The following SEL1L2 variants were observed in gnomAD, a reference collection of about 807,000 sequenced individuals.
The protein encoded by SEL1L2 is protein sel-1 homolog 2.
SEL1L2 carries 89 observed loss-of-function variants against 98.8 expected under a neutral mutation model. The ratio of observed to expected loss-of-function variants is 0.90; its 90% CI spans 0.76 to 1.07. The LOEUF is 1.07. Among genes scored for constraint, SEL1L2 ranks in the 50% least tolerant of loss-of-function variants. SEL1L2 has a pLI of 0.00. For synonymous variants in SEL1L2, 262 were observed against 278.5 expected, an observed-to-expected ratio of 0.94 and a Z score of 0.59; for missense variants, 788 against 812.0, an observed-to-expected ratio of 0.97 and a Z score of 0.36.
intron 2 of SEL1L2, among the ~76,000 whole-genome samples, chr20:13,945,642 A>G (rs551601298): frequency 6.6e-6 from 1 of 152,268 alleles, no homozygotes; most frequent in Admixed American, 6.5e-5. Context: ...CACTACCAGG[A>G]AAGAAAACTA....
chr20:13,853,853 T>C (rs1988713970), intron 18 of SEL1L2, among the ~76,000 whole-genome samples: 3 of 152,218 alleles, frequency 2.0e-5, no homozygotes, highest in Admixed American at 2.0e-4. Context: ...TGGCTTCTAT[T>C]TTGGAGCATT....
rs377610213 is a variant in SEL1L2 at position 13,916,049 on chromosome 20, GACTC to G, written c.387-2109_387-2106del. Among the ~76,000 whole-genome samples, 42 of 152,256 alleles carry G rather than the reference GACTC, an allele frequency of 2.8e-4. 1 individual carries two copies. The East Asian group carries it at 3.5e-3, about 13-fold the overall frequency. On this transcript the variant is annotated intron_variant, in intron 4 of 19. Transcript: ENST00000284951. ...ACTCTAGCTGTCAGTGAGGCTTCCT[GACTC>G]ACTCAGACAAATTTGTTCTCTCTGA...
At chr20:13,925,403 G>A (rs1194057176) in intron 3 of SEL1L2, among the ~76,000 whole-genome samples, 1 of 152,214 alleles carries the variant, frequency 6.6e-6, no homozygotes, top group African/African-American at 2.4e-5. Flanking sequence ...ATGAGGGTCA[G>A]GGCTGTGGTT....
intron 5 of SEL1L2, among the ~76,000 whole-genome samples, chr20:13,901,256 G>C (rs774822931): frequency 6.6e-6 from 1 of 151,856 alleles, no homozygotes; most frequent in Non-Finnish European, 1.5e-5. Context: ...ATTTTTAGTA[G>C]AGACGGGGTT....
At chr20:13,901,635 CT>C (rs1018961284) in intron 5 of SEL1L2, among the ~76,000 whole-genome samples, 3 of 148,284 alleles carry the variant, frequency 2.0e-5, no homozygotes, top group Admixed American at 1.3e-4. Context: ...TTTGTGGAAT[CT>C]TTTTTTTAAA....
chr20:13,849,744 C>G (rs1987912055), intron 19 of SEL1L2, 140 bp from the exon 20 acceptor site: 2 of 923,174 alleles, frequency 2.2e-6, no homozygotes, highest in Admixed American at 5.7e-5. Flanking sequence ...AAGACACAAT[C>G]TTCGCTTGCT....
chr20:13,861,049 T>G (rs2147779914), intron 17 of SEL1L2, among the ~76,000 whole-genome samples: 1 of 152,296 alleles, frequency 6.6e-6, no homozygotes, highest in East Asian at 1.9e-4. Context: ...TAAAACACGC[T>G]TAACTCCTGA....
At chr20:13,974,116 G>A (rs1163305903) in intron 1 of SEL1L2, among the ~76,000 whole-genome samples, 1 of 152,078 alleles carries the variant, frequency 6.6e-6, no homozygotes, top group Admixed American at 6.6e-5. Flanking sequence ...CACTTGTCTA[G>A]CACAGGGGCA....
At chr20:13,956,169 ATT>A (rs1432691896) in intron 1 of SEL1L2, 38 bp from the exon 2 acceptor site, 1 of 1,117,934 alleles carries the variant, frequency 8.9e-7, no homozygotes, top group Non-Finnish European at 1.3e-6. Flanking sequence ...ATTTAAAAGC[ATT>A]TTCTTTTTAA....
At chr20:13,883,591 C>T (rs891827690) in intron 10 of SEL1L2, among the ~76,000 whole-genome samples, 1 of 152,210 alleles carries the variant, frequency 6.6e-6, no homozygotes, top group African/African-American at 2.4e-5. Context: ...ACAGGAGATC[C>T]TGGCTGGGCT....
chr20:13,875,788 T>TGAAATTCTGTCTGGCC (rs1399759250), intron 12 of SEL1L2, among the ~76,000 whole-genome samples: 12 of 152,210 alleles, frequency 7.9e-5, no homozygotes, highest in Admixed American at 7.9e-4. Context: ...TCTGTCTGGC[T>TGAAATTCTGTCTGGCC]GAACTTCTGT....
chr20:13,881,679 A>G (rs1165956769), intron 10 of SEL1L2, among the ~76,000 whole-genome samples: 1 of 152,208 alleles, frequency 6.6e-6, no homozygotes, highest in Non-Finnish European at 1.5e-5. Flanking sequence ...AACTCATGAG[A>G]GAGATTAGTT....
chr20:13,963,715 C>T (rs1187030264), intron 1 of SEL1L2, among the ~76,000 whole-genome samples: 2 of 151,464 alleles, frequency 1.3e-5, no homozygotes, highest in African/African-American at 4.9e-5. Flanking sequence ...GACTCCATAT[C>T]AAAAATAAAA....
At chr20:13,879,319 C>T (rs1291657789) in intron 10 of SEL1L2, among the ~76,000 whole-genome samples, 1 of 152,100 alleles carries the variant, frequency 6.6e-6, no homozygotes, top group Non-Finnish European at 1.5e-5. Flanking sequence ...TATAAACAAT[C>T]TTGAAGACTA....
intron 3 of SEL1L2, among the ~76,000 whole-genome samples, chr20:13,923,107 G>A (rs2048732955): frequency 6.6e-6 from 1 of 152,162 alleles, no homozygotes; most frequent in Non-Finnish European, 1.5e-5. Context: ...ATAAAACAAT[G>A]GTGTATCTTA....
At chr20:13,909,952 C>T (rs1303935853) in intron 5 of SEL1L2, among the ~76,000 whole-genome samples, 1 of 152,126 alleles carries the variant, frequency 6.6e-6, no homozygotes, top group Non-Finnish European at 1.5e-5. Context: ...GCCTGGGCAA[C>T]AGAACGAGAC....
At chr20:13,922,821 A>ATTGAT (rs2148255773) in intron 3 of SEL1L2, among the ~76,000 whole-genome samples, 1 of 152,290 alleles carries the variant, frequency 6.6e-6, no homozygotes, top group South Asian at 2.1e-4. Context: ...GATAGTATTG[A>ATTGAT]TTGATTTGTT....
chr20:13,891,782 T>C (rs2047216734), intron 5 of SEL1L2, among the ~76,000 whole-genome samples: 1 of 151,530 alleles, frequency 6.6e-6, no homozygotes, highest in African/African-American at 2.4e-5. Flanking sequence ...AAACAAACGC[T>C]GAGGGAGTTT....
intron 5 of SEL1L2, among the ~76,000 whole-genome samples, chr20:13,899,258 CT>C (rs1055792862): frequency 1.3e-5 from 2 of 151,562 alleles, no homozygotes; most frequent in African/African-American, 4.8e-5. Flanking sequence ...GGCATGTATT[CT>C]TTTTTTTGTT....
Sources: gnomAD v4.1 joint callset for allele counts (sites outside exome capture counted in the v4.1 genomes callset) on GRCh38, gnomAD v4.1.1 for gene constraint, MANE v1.5 for transcripts, NCBI Gene and HGNC (gene_info 2026-07-23, HGNC 2026-07-21) for gene names.